ERBB4: variants seen among roughly 807,000 people sequenced by gnomAD.
ERBB4 encodes the protein receptor tyrosine-protein kinase erbB-4.
In ERBB4, 42 loss-of-function variants were observed where a neutral mutation model predicts 158.0. The observed-to-expected ratio is 0.27, with a 90% confidence interval of 0.21 to 0.34. The LOEUF (loss-of-function observed/expected upper bound fraction) is 0.34, where lower values mean the gene tolerates loss of function less well. Among genes scored for constraint, ERBB4 ranks in the 10% least tolerant of loss-of-function variants. The probability of loss-of-function intolerance (pLI) is 1.00; values close to 1 mark genes in which losing one functional copy is unlikely to be tolerated. For synonymous variants in ERBB4, 583 were observed against 558.7 expected (o/e 1.04, Z -0.61); for missense variants, 1,333 against 1,624.1 (o/e 0.82, Z 3.08).
At chr2:211,409,170 T>C (rs935782707) in intron 25 of ERBB4, among the ~76,000 whole-genome samples, 9 of 152,116 alleles carry the variant, frequency 5.9e-5, no homozygotes, top group African/African-American at 2.2e-4. Context: ...TATATATTTT[T>C]AACCAAATGA....
At chr2:212,206,593 T>TC (rs2082758771) in intron 1 of ERBB4, among the ~76,000 whole-genome samples, 1 of 53,456 alleles carries the variant, frequency 1.9e-5, no homozygotes, top group Admixed American at 2.5e-4. Context: ...TCTGTTCTTT[T>TC]TTTTTTTTTT....
intron 20 of ERBB4, among the ~76,000 whole-genome samples, chr2:211,451,777 T>C (rs975421049): frequency 9.8e-5 from 15 of 152,304 alleles, no homozygotes; most frequent in African/African-American, 3.6e-4. Context: ...GAACAAGTTT[T>C]AGACTACTTA....
chr2:211,788,414 G>T (rs1054223980), intron 3 of ERBB4, among the ~76,000 whole-genome samples: 1 of 151,712 alleles, frequency 6.6e-6, no homozygotes, highest in African/African-American at 2.4e-5. Flanking sequence ...CTAACATTTT[G>T]GTATAAATGT....
intron 2 of ERBB4, among the ~76,000 whole-genome samples, chr2:211,992,823 G>T (rs1559268203): frequency 6.6e-6 from 1 of 152,136 alleles, no homozygotes; most frequent in Admixed American, 6.6e-5. Context: ...GAAGATATGG[G>T]CTCCAAAGAC....
chr2:211,499,036 G>A (rs1468863701), intron 20 of ERBB4, among the ~76,000 whole-genome samples: 8 of 152,104 alleles, frequency 5.3e-5, no homozygotes, highest in South Asian at 2.1e-4. Context: ...TAACTCCAGC[G>A]CTAGCACAGA....
At chr2:212,190,047 G>A (rs1488632955) in intron 1 of ERBB4, among the ~76,000 whole-genome samples, 3 of 152,070 alleles carry the variant, frequency 2.0e-5, no homozygotes, top group African/African-American at 7.2e-5. Context: ...AATTTCCATA[G>A]GCATAGCTAC....
intron 3 of ERBB4, among the ~76,000 whole-genome samples, chr2:211,916,805 C>T (rs2079705188): frequency 6.6e-6 from 1 of 151,992 alleles, no homozygotes; most frequent in Non-Finnish European, 1.5e-5. Context: ...CCTAAGGAGA[C>T]ACATTTAAGA....
chr2:211,738,674 CTTTT>C (rs372863971), intron 5 of ERBB4, among the ~76,000 whole-genome samples: 3 of 140,662 alleles, frequency 2.1e-5, no homozygotes, highest in Non-Finnish European at 4.7e-5. Context: ...GCCCGGCCCT[CTTTT>C]TTTTTTTGAG....
At chr2:212,054,910 G>A (rs916376731) in intron 2 of ERBB4, among the ~76,000 whole-genome samples, 4 of 152,172 alleles carry the variant, frequency 2.6e-5, no homozygotes, top group African/African-American at 9.7e-5. Flanking sequence ...ATTTCCAAAT[G>A]AGGTATCAGG....
intron 2 of ERBB4, among the ~76,000 whole-genome samples, chr2:212,003,216 G>GAAA (rs1491317567): frequency 0.03 from 1,043 of 34,442 alleles, 93 homozygotes; most frequent in Middle Eastern, 0.079. Flanking sequence ...ACAGAAAGAA[G>GAAA]GAAGGAAGGA....
At chr2:212,233,336 T>C (rs2083733454) in intron 1 of ERBB4, among the ~76,000 whole-genome samples, 2 of 152,104 alleles carry the variant, frequency 1.3e-5, no homozygotes, top group Admixed American at 6.5e-5. Context: ...AGGAGCAAAA[T>C]TTCATTTGAA....
intron 1 of ERBB4, among the ~76,000 whole-genome samples, chr2:212,526,500 G>A (rs769419299): frequency 2.0e-5 from 3 of 152,036 alleles, no homozygotes; most frequent in African/African-American, 7.2e-5. Flanking sequence ...CATTAATTCC[G>A]AATACGTTTT....
chr2:211,747,015 T>G (rs965067493), intron 5 of ERBB4, among the ~76,000 whole-genome samples: 3 of 152,106 alleles, frequency 2.0e-5, no homozygotes, highest in African/African-American at 7.2e-5. Context: ...TTTAGTGACT[T>G]TGGGGACTGT....
chr2:211,668,250 A>T (rs1017125310), intron 14 of ERBB4, among the ~76,000 whole-genome samples: 2 of 152,204 alleles, frequency 1.3e-5, no homozygotes, highest in Non-Finnish European at 2.9e-5. Context: ...GAAGTGCATG[A>T]CTGTATTTGA....
At chr2:211,544,865 T>A (rs2066902017) in intron 20 of ERBB4, among the ~76,000 whole-genome samples, 2 of 152,108 alleles carry the variant, frequency 1.3e-5, no homozygotes, top group South Asian at 4.1e-4. Flanking sequence ...GGGTCATTAC[T>A]TTCCCTTATG....
At chr2:212,084,973 A>C (rs1177709189) in intron 2 of ERBB4, among the ~76,000 whole-genome samples, 1 of 151,986 alleles carries the variant, frequency 6.6e-6, no homozygotes, top group Non-Finnish European at 1.5e-5. Context: ...ATCTAAGTGT[A>C]ATAGTTCTCA....
At chr2:211,888,606 A>T (rs1220054367) in intron 3 of ERBB4, among the ~76,000 whole-genome samples, 1 of 151,850 alleles carries the variant, frequency 6.6e-6, no homozygotes, top group African/African-American at 2.4e-5. Context: ...GACGCAGAAG[A>T]CGGGTGATTT....
intron 2 of ERBB4, among the ~76,000 whole-genome samples, chr2:211,966,482 C>T (rs1001403367): frequency 8.6e-5 from 13 of 152,014 alleles, no homozygotes; most frequent in African/African-American, 2.9e-4. Flanking sequence ...CCTCATGATC[C>T]GCCTGCCTTG....
chr2:212,303,413 G>A, intron 1 of ERBB4, among the ~76,000 whole-genome samples: 1 of 116,602 alleles, frequency 8.6e-6, no homozygotes, highest in Non-Finnish European at 2.0e-5. Context: ...CTTTCTAACA[G>A]ACTTAAGTTC....
Sources: allele counts gnomAD v4.1 joint callset (sites outside exome capture counted in the v4.1 genomes callset), GRCh38; gene constraint gnomAD v4.1.1; transcripts MANE v1.5; gene names NCBI Gene and HGNC (gene_info 2026-07-23, HGNC 2026-07-21).